BIN2: variants seen among roughly 807,000 people sequenced by gnomAD.
BIN2 encodes the protein bridging integrator 2, also known as breast cancer associated protein BRAP1.
Under a neutral mutation model 67.9 loss-of-function variants are expected in BIN2, and 43 were observed. The ratio of observed to expected loss-of-function variants is 0.63; its 90% CI spans 0.50 to 0.82. The LOEUF is 0.82. BIN2 is among the 40% of genes least tolerant of loss of function. The pLI is 0.00. For missense variants in BIN2, 581 were observed against 671.6 expected (o/e 0.87, Z 1.49); for synonymous variants, 244 against 246.8 (o/e 0.99, Z 0.11).
chr12:51,290,928 G>A (rs999057699), intron 10 of BIN2, among the ~76,000 whole-genome samples: 18 of 105,000 alleles, frequency 1.7e-4, no homozygotes, highest in African/African-American at 5.4e-4. Flanking sequence ...GCGAGACTCC[G>A]TCTCAAAAAC....
At chr12:51,285,626 CTT>C (rs10562037) in intron 11 of BIN2, among the ~76,000 whole-genome samples, 92,380 of 131,286 alleles carry the variant, frequency 0.7, 33,598 homozygotes, top group Middle Eastern at 0.88. Flanking sequence ...TTCTTTCTTT[CTT>C]TTTTTTTTTT....
chr12:51,286,393 A>T (rs1216434934), intron 11 of BIN2, among the ~76,000 whole-genome samples: 1 of 152,170 alleles, frequency 6.6e-6, no homozygotes, highest in East Asian at 1.9e-4. Flanking sequence ...AAATATTATA[A>T]ATCTAAAATA....
chr12:51,298,376 A>AAAAC (rs937143958), intron 7 of BIN2, among the ~76,000 whole-genome samples: 6 of 151,982 alleles, frequency 3.9e-5, no homozygotes, highest in East Asian at 1.9e-4. Context: ...GTCTCAAAAC[A>AAAAC]AAACAAACAA....
In BIN2 at chr12:51,292,055, T is replaced by C. The variant is rs141002466; in HGVS notation, c.1051A>G (p.Thr351Ala). The C allele has an allele frequency of 6.2e-6, 10 of 1,613,882 alleles. No individual in the cohort carries two copies. In the African/African-American group the frequency reaches 1.2e-4, roughly 19 times the overall value. ...NGPAQAQPSPTTERAKSQEEV... is the reference protein window; with the variant it reads ...NGPAQAQPSPATERAKSQEEV... ...TCCTGGGACTTGGCCCTTTCAGTGG[T>C]AGGAGAGGGCTGGGCCTGGGCGGGG... The change falls in exon 10 of 13, where the codon ACC (threonine) becomes GCC (alanine). Residue 351 changes from threonine to alanine, a missense_variant. Coordinates refer to ENST00000615107, the MANE Select transcript of BIN2 (RefSeq NM_016293.4).
Position 51,302,088 on chromosome 12 carries a change from C to T in BIN2, c.340G>A (p.Glu114Lys), listed in dbSNP as rs542179917. ...ACAGCCTGGTCAGCCAGTTTCTCCT[C>T]GTAGTCTTCCCAAAGGAGATCATTA... is the stretch of plus-strand genomic sequence containing the variant. The part of the protein sequence containing the change: ...WNNDLLWEDY[E>K]EKLADQAVRT... Residue 114 changes from glutamate to lysine, a missense_variant, in exon 5 of 13, where the codon GAG (glutamate) becomes AAG (lysine). By Grantham distance (56) the Glu-to-Lys change is moderately conservative. Coordinates refer to ENST00000615107, the MANE Select transcript of BIN2 (RefSeq NM_016293.4). The T allele has an allele frequency of 9.5e-5, 154 of 1,613,204 alleles. No homozygotes were observed. Among genetic ancestry groups the T allele is most frequent in the Non-Finnish European group, 1.2e-4 (143 of 1,179,190 alleles).
intron 1 of BIN2, 101 bp downstream of exon 1, chr12:51,323,921 C>G: frequency 6.9e-7 from 1 of 1,454,738 alleles, no homozygotes; most frequent in Non-Finnish European, 9.3e-7. Flanking sequence ...CCAGACCCTT[C>G]GGGGCCCCTG....
intron 10 of BIN2, among the ~76,000 whole-genome samples, chr12:51,290,225 T>A (rs1433391811): frequency 6.6e-6 from 1 of 151,966 alleles, no homozygotes. Context: ...GTTCAAGTGA[T>A]TCTCATGTTC....
chr12:51,315,046 G>C (rs1440585694), intron 1 of BIN2, among the ~76,000 whole-genome samples: 3 of 152,142 alleles, frequency 2.0e-5, no homozygotes. Flanking sequence ...TGTAGAGACA[G>C]GGTCTCACTA....
At chr12:51,300,020 T>C (rs1305050313) in intron 5 of BIN2, among the ~76,000 whole-genome samples, 2 of 152,042 alleles carry the variant, frequency 1.3e-5, no homozygotes, top group Non-Finnish European at 2.9e-5. Context: ...GCATTTTTAG[T>C]AGAGATGGGG....
intron 9 of BIN2, among the ~76,000 whole-genome samples, chr12:51,295,576 AAATATATATATATATAT>A (rs1341724680): frequency 2.2e-4 from 4 of 18,406 alleles, no homozygotes; most frequent in East Asian, 4.4e-3. Context: ...AAAAAAAAAA[AAATATATATATATATAT>A]ATATATATAT....
chr12:51,290,155 T>G (rs1592252405), intron 10 of BIN2, among the ~76,000 whole-genome samples: 1 of 152,020 alleles, frequency 6.6e-6, no homozygotes, highest in East Asian at 1.9e-4. Flanking sequence ...AGTCTCACTC[T>G]GTTGCCCAGG....
chr12:51,324,267 C>T (rs542590820), upstream of BIN2: 3 of 1,421,216 alleles, frequency 2.1e-6, no homozygotes, highest in East Asian at 8.0e-5. Flanking sequence ...CAGCCCACCA[C>T]TGTCAGCTGG....
At chr12:51,284,020 AT>A (rs1304918344) in intron 12 of BIN2, among the ~76,000 whole-genome samples, 1 of 151,710 alleles carries the variant, frequency 6.6e-6, no homozygotes, top group Non-Finnish European at 1.5e-5. Flanking sequence ...AAAGAAAAAT[AT>A]TTTTTAATGG....
chr12:51,289,565 A>G (rs1945330356), intron 10 of BIN2, among the ~76,000 whole-genome samples: 1 of 152,140 alleles, frequency 6.6e-6, no homozygotes, highest in Admixed American at 6.6e-5. Flanking sequence ...GCAGTGAGTC[A>G]TGATCATGCC....
At chr12:51,313,464 G>A (rs1325636445) in intron 2 of BIN2, among the ~76,000 whole-genome samples, 1 of 151,782 alleles carries the variant, frequency 6.6e-6, no homozygotes, top group Non-Finnish European at 1.5e-5. Context: ...TCAGCCTGCC[G>A]AGTAGCTGGG....
intron 1 of BIN2, among the ~76,000 whole-genome samples, chr12:51,323,503 C>T (rs1946343321): frequency 2.0e-5 from 3 of 150,438 alleles, no homozygotes; most frequent in Admixed American, 2.0e-4. Context: ...AGCTGAAACA[C>T]CACCCAGAGG....
intron 4 of BIN2, chr12:51,302,485 G>C: frequency 1.7e-6 from 1 of 573,136 alleles, no homozygotes; most frequent in Non-Finnish European, 3.1e-6. Context: ...CAAAATTAGA[G>C]GGATCCACAG....
At position 51,297,261 on chromosome 12, in the gene BIN2, C is replaced by A. The variant is rs564427361; in HGVS notation, c.603-97G>T. The A allele has an allele frequency of 6.3e-5, 77 of 1,216,572 alleles. No individual in the cohort carries two copies. In the East Asian group the frequency reaches 1.2e-3, roughly 19 times the overall value. 75.4% of individuals were successfully genotyped at this position (1,216,572 alleles called of 1,614,324 possible). Reference sequence around the variant, plus strand: ...GTAGGACTTAAGCCAAAACCAGCCACCAAGGCTCCTAAATGAAAGCCATCC... The same window carrying A: ...GTAGGACTTAAGCCAAAACCAGCCAACAAGGCTCCTAAATGAAAGCCATCC... On this transcript the variant is annotated intron_variant, in intron 7 of 12. Coordinates refer to ENST00000615107, the MANE Select transcript of BIN2 (RefSeq NM_016293.4).
chr12:51,320,672 G>A (rs974513046), intron 1 of BIN2, among the ~76,000 whole-genome samples: 3 of 143,200 alleles, frequency 2.1e-5, no homozygotes, highest in Non-Finnish European at 3.0e-5. Flanking sequence ...TTAAGCTTTT[G>A]GCAAAGCAAG....
Sources: allele counts gnomAD v4.1 joint callset (sites outside exome capture counted in the v4.1 genomes callset), GRCh38; gene constraint gnomAD v4.1.1; transcripts MANE v1.5; gene names NCBI Gene and HGNC (gene_info 2026-07-23, HGNC 2026-07-21).